Variants in SLC9A4 observed in about 807,000 individuals in gnomAD.
SLC9A4 encodes the protein sodium/hydrogen exchanger 4.
SLC9A4 carries 63 observed loss-of-function variants against 67.4 expected under a neutral mutation model. The ratio of observed to expected loss-of-function variants is 0.93; its 90% CI spans 0.76 to 1.15. The LOEUF (loss-of-function observed/expected upper bound fraction) is 1.15, where lower values mean the gene tolerates loss of function less well. Ranked by LOEUF, SLC9A4 falls within the 50% of genes most tolerant of loss-of-function variation. SLC9A4 has a pLI of 0.00. For missense variants in SLC9A4, 1,089 were observed against 987.7 expected (o/e 1.10, Z -1.38); for synonymous variants, 393 against 367.2 (o/e 1.07, Z -0.80).
intron 8 of SLC9A4, among the ~76,000 whole-genome samples, chr2:102,519,352 G>T (rs562780818): frequency 6.6e-6 from 1 of 152,284 alleles, no homozygotes; most frequent in South Asian, 2.1e-4. Flanking sequence ...TTAGATAAAT[G>T]CTAATCAAAA....
In SLC9A4 at chr2:102,525,175, T is replaced by A; in HGVS notation, c.1950+20T>A. 1 of 1,613,676 alleles carries A rather than the reference T, an allele frequency of 6.2e-7. No individual in the cohort carries two copies. The highest frequency in any genetic ancestry group is 8.5e-7 in the Non-Finnish European group (1 of 1,179,794). ...AAGCCGGTACATTGGGGCTGGGGAC[T>A]GGGACATTCCTTCAGTGTGCAAGTG... is the stretch of plus-strand genomic sequence containing the variant. On this transcript the variant is annotated intron_variant, in intron 10 of 11. Coordinates refer to ENST00000295269, the MANE Select transcript of SLC9A4 (RefSeq NM_001011552.4).
At chr2:102,520,431 T>A (rs114894319) in intron 9 of SLC9A4, among the ~76,000 whole-genome samples, 215 of 152,326 alleles carry the variant, frequency 1.4e-3, no homozygotes, top group African/African-American at 4.9e-3. Flanking sequence ...TATTTCTCAA[T>A]TTTGGAACTA....
At chr2:102,493,086 G>A (rs1477388294) in intron 2 of SLC9A4, among the ~76,000 whole-genome samples, 1 of 152,144 alleles carries the variant, frequency 6.6e-6, no homozygotes, top group Non-Finnish European at 1.5e-5. Context: ...TCAGCATTTT[G>A]GCCAAAGCCA....
rs971993807 is a variant in SLC9A4 at position 102,508,104 on chromosome 2, T to C, written c.1224T>C (p.Ser408=). 9.7e-5 allele frequency: 157 copies of C among 1,614,040 alleles called. No individual in the cohort carries two copies. The highest frequency in any genetic ancestry group is 1.3e-4 in the Non-Finnish European group (150 of 1,180,024). Residue 408 remains serine, a synonymous_variant, in exon 5 of 12, where the codon AGT becomes AGC. Transcript: ENST00000295269. ...AISVFALFYI[S]NQFRTFPFSI... ...GCGTATTTGCTCTCTTCTATATCAG[T>C]AACCAGTTTCGGACTTTCCCCTTCT... is the stretch of plus-strand genomic sequence containing the variant.
intron 2 of SLC9A4, among the ~76,000 whole-genome samples, chr2:102,502,370 G>C (rs1050776978): frequency 3.9e-5 from 6 of 152,154 alleles, no homozygotes; most frequent in African/African-American, 1.4e-4. Context: ...ATCGTTTGGG[G>C]GATTCGATGA....
chr2:102,478,369 A>G (rs1473660605), intron 1 of SLC9A4, among the ~76,000 whole-genome samples: 1 of 152,226 alleles, frequency 6.6e-6, no homozygotes, highest in African/African-American at 2.4e-5. Flanking sequence ...TAGCAATGTC[A>G]TTGGTTAAAC....
chr2:102,512,162 C>A, intron 6 of SLC9A4, 41 bp from the exon 7 acceptor site: 1 of 1,609,828 alleles, frequency 6.2e-7, no homozygotes, highest in South Asian at 1.1e-5. Context: ...TTTCAGAGTT[C>A]GCGTTTCTCC....
At chr2:102,531,075 T>TC (rs1349427768) in intron 11 of SLC9A4, among the ~76,000 whole-genome samples, 1 of 148,766 alleles carries the variant, frequency 6.7e-6, no homozygotes, top group African/African-American at 2.5e-5. Flanking sequence ...TTTTTTTTTT[T>TC]TTTTTGAGAC....
intron 2 of SLC9A4, among the ~76,000 whole-genome samples, chr2:102,493,192 T>A (rs1684738533): frequency 6.7e-6 from 1 of 149,512 alleles, no homozygotes; most frequent in African/African-American, 2.6e-5. Flanking sequence ...CTTGTCTTCT[T>A]CTGAGCCCTT....
At chr2:102,522,762 A>C (rs552098013) in intron 9 of SLC9A4, among the ~76,000 whole-genome samples, 1 of 152,350 alleles carries the variant, frequency 6.6e-6, no homozygotes, top group East Asian at 1.9e-4. Flanking sequence ...AATGTATAAA[A>C]TGCACATAGG....
At chr2:102,518,466 G>T (rs191371334) in intron 8 of SLC9A4, among the ~76,000 whole-genome samples, 2 of 152,238 alleles carry the variant, frequency 1.3e-5, no homozygotes, top group Non-Finnish European at 2.9e-5. Context: ...AGGTTTAAAT[G>T]CCCTGATAAT....
At chr2:102,482,328 G>C (rs566973712) in intron 2 of SLC9A4, among the ~76,000 whole-genome samples, 1 of 152,128 alleles carries the variant, frequency 6.6e-6, no homozygotes, top group African/African-American at 2.4e-5. Flanking sequence ...TAAAACCTCA[G>C]ATGACCGCTG....
intron 1 of SLC9A4, among the ~76,000 whole-genome samples, chr2:102,476,903 A>G (rs1006409626): frequency 6.6e-6 from 1 of 152,238 alleles, no homozygotes; most frequent in Non-Finnish European, 1.5e-5. Flanking sequence ...TGATGAGTTC[A>G]GTGCTCCAGA....
At chr2:102,525,512 C>T (rs1674643216) in intron 10 of SLC9A4, among the ~76,000 whole-genome samples, 1 of 151,180 alleles carries the variant, frequency 6.6e-6, no homozygotes, top group Admixed American at 6.6e-5. Context: ...TGGGTCTGGA[C>T]CAGACCCTCT....
intron 2 of SLC9A4, among the ~76,000 whole-genome samples, chr2:102,499,367 A>T (rs947701866): frequency 3.9e-5 from 6 of 152,158 alleles, no homozygotes; most frequent in African/African-American, 1.4e-4. Flanking sequence ...GGATTGTGGG[A>T]CTTTTGTGGG....
rs1685027458 is a variant in SLC9A4 at position 102,505,299 on chromosome 2, C to T, written c.1026C>T (p.Asn342=). The change falls in exon 4 of 12, where the codon AAC becomes AAT. Residue 342 remains asparagine, a synonymous_variant. Transcript: ENST00000295269. ...AVTMKKYVEE[N]VSQTSYTTIK... ...CAATGAAAAAGTACGTGGAAGAAAA[C>T]GTGTCCCAGACATCATACACGACCA... 1.9e-6 allele frequency: 3 copies of T among 1,614,036 alleles called. No homozygotes were observed. The highest frequency in any genetic ancestry group is 1.6e-4 in the Middle Eastern group (1 of 6,084).
chr2:102,508,547 C>T (rs1386639554), intron 5 of SLC9A4, among the ~76,000 whole-genome samples: 1 of 152,126 alleles, frequency 6.6e-6, no homozygotes, highest in East Asian at 1.9e-4. Context: ...AATGAGATTC[C>T]AATTAGTACT....
chr2:102,504,997 C>A (rs1195715412), intron 3 of SLC9A4, among the ~76,000 whole-genome samples: 2 of 152,188 alleles, frequency 1.3e-5, no homozygotes, highest in African/African-American at 2.4e-5. Flanking sequence ...TGTGCCCATG[C>A]GAATTACGTG....
chr2:102,479,374 G>C lies in SLC9A4; in HGVS notation c.720+72G>C, dbSNP rs367687646. 12 of 1,462,850 alleles carry C rather than the reference G, an allele frequency of 8.2e-6. No homozygotes were observed. The African/African-American group carries it at 1.5e-4, about 19-fold the overall frequency. The allele number at this position is 1,462,850 out of a possible 1,614,324, so 90.6% of individuals were successfully genotyped here. A position where few individuals can be genotyped will look rare whatever the true frequency, so the allele number is the denominator to read the frequency against. ...GGGGTGGGGCTGGGGACCGGAGGCT[G>C]TGGAGACGGCTCCAGTGTGGCTCAG... On this transcript the variant is annotated intron_variant, in intron 2 of 11. Coordinates refer to ENST00000295269, the MANE Select transcript of SLC9A4 (RefSeq NM_001011552.4).
Sources: allele counts gnomAD v4.1 joint callset (sites outside exome capture counted in the v4.1 genomes callset), GRCh38; gene constraint gnomAD v4.1.1; transcripts MANE v1.5; gene names NCBI Gene and HGNC (gene_info 2026-07-23, HGNC 2026-07-21).